Variants in CHST13 observed in about 807,000 individuals in gnomAD.
The protein encoded by CHST13 is carbohydrate sulfotransferase 13, also known as C4ST-3.
In CHST13, 1 loss-of-function variant was observed where a neutral mutation model predicts 7.0. That is an observed-to-expected ratio of 0.14 (90% confidence interval 0.05 to 0.68). CHST13 has a LOEUF of 0.68. Among genes scored for constraint, CHST13 ranks in the 30% least tolerant of loss-of-function variants. The pLI, the probability that CHST13 is intolerant of heterozygous loss-of-function variation, is 0.82. For missense variants in CHST13, 572 were observed against 507.9 expected (o/e 1.13, Z -1.21); for synonymous variants, 257 against 240.9 (o/e 1.07, Z -0.62).
chr3:126,524,337 G>C lies in CHST13; in HGVS notation c.5G>C (p.Gly2Ala). 1 of 1,235,792 alleles carries C rather than the reference G, an allele frequency of 8.1e-7. No homozygotes were observed. The highest frequency in any genetic ancestry group is 3.2e-4 in the Middle Eastern group (1 of 3,174). 76.6% of individuals were successfully genotyped at this position (1,235,792 alleles called of 1,614,324 possible). The change falls in exon 1 of 3, where the codon GGG (glycine) becomes GCG (alanine). Residue 2 changes from glycine (G) to alanine (A), a missense_variant. Coordinates refer to ENST00000319340, the MANE Select transcript of CHST13 (RefSeq NM_152889.3). ...CCGCCGCGCGCCCGGCACAGCATGG[G>C]GAGGCGCTGCTGCCGGCGGCGCGTG... Reference protein sequence around the residue: MGRRCCRRRVLA... With the variant: MARRCCRRRVLA...
intron 1 of CHST13, chr3:126,529,425 C>T (rs556648452): frequency 2.3e-6 from 3 of 1,285,234 alleles, no homozygotes; most frequent in Non-Finnish European, 3.0e-6. Context: ...CACCCAGAGG[C>T]AGGGCAGCAT....
In CHST13 at chr3:126,542,279, T is replaced by C; in HGVS notation, c.727T>C (p.Phe243Leu). 6.4e-7 allele frequency: 1 copy of C among 1,564,154 alleles called. No homozygotes were observed. The highest frequency in any genetic ancestry group is 1.8e-5 in the Admixed American group (1 of 56,620). The change falls in exon 3 of 3, where the codon TTC (phenylalanine) becomes CTC (leucine). Residue 243 changes from phenylalanine (F) to leucine (L), a missense_variant. Phe to Leu is a conservative substitution (Grantham distance 22, BLOSUM62 0). Transcript: ENST00000319340. Reference sequence around the variant, plus strand: ...CCCGCGCACGCGGCGTGAGGAGCCCTTCAACGAGCACTGGGAGCGCGCGCA... The same window carrying C: ...CCCGCGCACGCGGCGTGAGGAGCCCCTCAACGAGCACTGGGAGCGCGCGCA... The part of the protein sequence containing the change: ...LDPRTRREEP[F>L]NEHWERAHAL...
intron 1 of CHST13, among the ~76,000 whole-genome samples, chr3:126,531,993 G>A (rs1936670178): frequency 6.6e-6 from 1 of 152,140 alleles, no homozygotes; most frequent in Non-Finnish European, 1.5e-5. Context: ...CCATCCTCAT[G>A]GTGTTGATTT....
At chr3:126,536,409 T>C in intron 2 of CHST13, 56 bp downstream of exon 2, 1 of 1,400,376 alleles carries the variant, frequency 7.1e-7, no homozygotes, top group Non-Finnish European at 1.0e-6. Context: ...GCCAGGAGCC[T>C]GACAGCAACA....
intron 2 of CHST13, among the ~76,000 whole-genome samples, chr3:126,539,770 ACAGC>A: frequency 1.9e-5 from 1 of 51,546 alleles, no homozygotes; most frequent in South Asian, 6.1e-4. Context: ...CACCACACAC[ACAGC>A]ACACACACAC....
chr3:126,540,135 C>A (rs997031324), intron 2 of CHST13, among the ~76,000 whole-genome samples: 1 of 151,974 alleles, frequency 6.6e-6, no homozygotes, highest in Non-Finnish European at 1.5e-5. Context: ...TGGCGTCAGA[C>A]CCTCCCAAGC....
At chr3:126,540,464 C>G (rs1936935060) in intron 2 of CHST13, among the ~76,000 whole-genome samples, 1 of 152,156 alleles carries the variant, frequency 6.6e-6, no homozygotes, top group South Asian at 2.1e-4. Context: ...CTCTAGGGAC[C>G]TCACTAAGTG....
intron 1 of CHST13, among the ~76,000 whole-genome samples, chr3:126,528,792 C>T (rs1332667275): frequency 2.6e-5 from 4 of 152,202 alleles, no homozygotes; most frequent in East Asian, 3.9e-4. Context: ...AGTTCTCTCC[C>T]CTAAACAGAA....
rs1246687540 is a variant in CHST13, at chr3:126,524,202, G to T, written c.-131G>T. The T allele has an allele frequency of 4.1e-5, 26 of 631,400 alleles. No individual in the cohort carries two copies. Among genetic ancestry groups the T allele is most frequent in the Non-Finnish European group, 4.9e-5 (22 of 453,394 alleles). The allele number at this position is 631,400 out of a possible 1,614,324, so 39.1% of individuals were successfully genotyped here. A position where few individuals can be genotyped will look rare whatever the true frequency, so the allele number is the denominator to read the frequency against. ...CTGGTGGGGCTGGGGTCCAGCTGCCGTGCTCCCCTGCCCTGCGCCGCGCCG... is the reference window on the plus strand; with the variant it reads ...CTGGTGGGGCTGGGGTCCAGCTGCCTTGCTCCCCTGCCCTGCGCCGCGCCG... On this transcript the variant is annotated 5_prime_UTR_variant, in exon 1 of 3. Coordinates refer to ENST00000319340, the MANE Select transcript of CHST13 (RefSeq NM_152889.3).
At chr3:126,534,416 C>T (rs1460925754) in intron 1 of CHST13, among the ~76,000 whole-genome samples, 1 of 152,128 alleles carries the variant, frequency 6.6e-6, no homozygotes, top group East Asian at 1.9e-4. Flanking sequence ...CAGACAGCAT[C>T]CCTGTCCTCA....
intron 2 of CHST13, among the ~76,000 whole-genome samples, chr3:126,538,191 A>G (rs938534882): frequency 1.3e-5 from 2 of 152,236 alleles, no homozygotes; most frequent in Admixed American, 1.3e-4. Flanking sequence ...GTTAGTGCCC[A>G]TTCCTGAGCT....
chr3:126,542,164 C>A lies in CHST13; in HGVS notation c.612C>A (p.Ile204=). 1 of 1,491,978 alleles carries A rather than the reference C, an allele frequency of 6.7e-7. No individual in the cohort carries two copies. Among genetic ancestry groups the A allele is most frequent in the Non-Finnish European group, 8.9e-7 (1 of 1,128,916 alleles). The allele number at this position is 1,491,978 out of a possible 1,614,324, so 92.4% of individuals were successfully genotyped here. A position where few individuals can be genotyped will look rare whatever the true frequency, so the allele number is the denominator to read the frequency against. ...AAFQRRYGAR[I]VQRLRPRALP... Reference sequence around the variant, plus strand: ...TCCAGAGGCGCTACGGTGCACGCATCGTTCAGCGCCTGCGGCCGCGCGCGC... The same window carrying A: ...TCCAGAGGCGCTACGGTGCACGCATAGTTCAGCGCCTGCGGCCGCGCGCGC... The change falls in exon 3 of 3, where the codon ATC becomes ATA. Residue 204 remains isoleucine (I), a synonymous_variant. Coordinates refer to ENST00000319340, the MANE Select transcript of CHST13 (RefSeq NM_152889.3).
chr3:126,531,660 C>A (rs960583089), intron 1 of CHST13, among the ~76,000 whole-genome samples: 1 of 152,190 alleles, frequency 6.6e-6, no homozygotes, highest in Admixed American at 6.5e-5. Flanking sequence ...CCTTTTATGG[C>A]CAATTAATAG....
chr3:126,528,482 G>A (rs1257379620), intron 1 of CHST13, among the ~76,000 whole-genome samples: 3 of 152,220 alleles, frequency 2.0e-5, no homozygotes, highest in Admixed American at 6.5e-5. Flanking sequence ...GGGGGAACCA[G>A]GGATTGCTGC....
Position 126,524,425 on chromosome 3 carries a change from C to G in CHST13, c.93C>G (p.Arg31=). ...TATGCGCCGCGCCCCGCTCCCTGCG[C>G]CCGGGTGAGTGCCCGCCGGCCGAGC... ...LLLCAAPRSL[R]PAFGNRALGS... is the part of the protein sequence containing the mutation. The change falls in exon 1 of 3, where the codon CGC becomes CGG. Residue 31 remains arginine, a synonymous_variant. Transcript: ENST00000319340. 8.8e-7 allele frequency: 1 copy of G among 1,134,314 alleles called. No homozygotes were observed. The highest frequency in any genetic ancestry group is 1.1e-6 in the Non-Finnish European group (1 of 900,436). The allele number at this position is 1,134,314 out of a possible 1,614,324, so 70.3% of individuals were successfully genotyped here. A position where few individuals can be genotyped will look rare whatever the true frequency, so the allele number is the denominator to read the frequency against.
chr3:126,540,094 C>T (rs577450811), intron 2 of CHST13, among the ~76,000 whole-genome samples: 18 of 151,730 alleles, frequency 1.2e-4, no homozygotes, highest in African/African-American at 3.1e-4. Context: ...GCACCACACA[C>T]GCACAGGACA....
At chr3:126,537,344 C>T (rs568671502) in intron 2 of CHST13, among the ~76,000 whole-genome samples, 4 of 152,318 alleles carry the variant, frequency 2.6e-5, no homozygotes, top group South Asian at 2.1e-4. Context: ...GTGGGCAGCA[C>T]GCAGGCCCTG....
At chr3:126,537,345 G>A (rs955690854) in intron 2 of CHST13, among the ~76,000 whole-genome samples, 2 of 152,228 alleles carry the variant, frequency 1.3e-5, no homozygotes, top group Non-Finnish European at 2.9e-5. Context: ...TGGGCAGCAC[G>A]CAGGCCCTGC....
intron 2 of CHST13, among the ~76,000 whole-genome samples, chr3:126,539,503 ACACACACCC>A (rs113853159): frequency 2.8e-4 from 42 of 147,422 alleles, no homozygotes; most frequent in African/African-American, 3.0e-4. Context: ...ACCCCACACC[ACACACACCC>A]CACACACCCC....
Sources: gnomAD v4.1 joint callset for allele counts (sites outside exome capture counted in the v4.1 genomes callset) on GRCh38, gnomAD v4.1.1 for gene constraint, MANE v1.5 for transcripts, NCBI Gene and HGNC (gene_info 2026-07-23, HGNC 2026-07-21) for gene names.